The following MEF2A variants were observed in gnomAD, a reference collection of about 807,000 sequenced individuals.
The protein encoded by MEF2A is myocyte-specific enhancer factor 2A.
In MEF2A, 28 loss-of-function variants were observed where a neutral mutation model predicts 55.8. That is an observed-to-expected ratio of 0.50 (90% confidence interval 0.37 to 0.69). The LOEUF (loss-of-function observed/expected upper bound fraction) is 0.69, where lower values mean the gene tolerates loss of function less well. Ranked by LOEUF, MEF2A falls within the 30% of genes least tolerant of loss-of-function variation. The pLI is 0.00. For missense variants in MEF2A, 528 were observed against 626.2 expected (o/e 0.84, Z 1.67); for synonymous variants, 239 against 227.1 (o/e 1.05, Z -0.47).
chr15:99,700,183 T>TACACACAC lies in MEF2A; in HGVS notation c.859-3178_859-3177insCACACACA, dbSNP rs1381649060. Among the ~76,000 whole-genome samples the TACACACAC allele has an allele frequency of 5.7e-3, 265 of 46,516 alleles. 1 individual carries two copies. The Middle Eastern group carries it at 0.12, about 22-fold the overall frequency. 30.5% of individuals were successfully genotyped at this position (46,516 alleles called of 152,430 possible). ...AGACACATACGTATATATGTGTGTA[T>TACACACAC]ATATACACACACACACACACACACA... On this transcript the variant is annotated intron_variant, in intron 8 of 11. Transcript: ENST00000557942.
At chr15:99,687,000 C>A (rs1269153794) in intron 7 of MEF2A, among the ~76,000 whole-genome samples, 1 of 150,954 alleles carries the variant, frequency 6.6e-6, no homozygotes, top group Non-Finnish European at 1.5e-5. Flanking sequence ...TCTTGGCTCA[C>A]TGCAACCTCT....
chr15:99,610,532 A>T (rs1309695069), intron 2 of MEF2A, among the ~76,000 whole-genome samples: 2 of 150,014 alleles, frequency 1.3e-5, no homozygotes, highest in Non-Finnish European at 3.0e-5. Context: ...GAGGCCTCCC[A>T]CTTTTGAATT....
chr15:99,663,344 G>A (rs920049080), intron 4 of MEF2A, among the ~76,000 whole-genome samples: 1 of 151,604 alleles, frequency 6.6e-6, no homozygotes, highest in Non-Finnish European at 1.5e-5. Context: ...ATTTGTGCAC[G>A]TATATATATG....
At chr15:99,674,720 C>G in intron 6 of MEF2A, 108 bp downstream of exon 6, 1 of 920,350 alleles carries the variant, frequency 1.1e-6, no homozygotes, top group South Asian at 1.6e-5. Flanking sequence ...CTTTGATGAG[C>G]AAGAATCACT....
intron 2 of MEF2A, among the ~76,000 whole-genome samples, chr15:99,628,963 A>ATTTTTTTTTT (rs71149483): frequency 1.9e-4 from 25 of 133,762 alleles, no homozygotes; most frequent in South Asian, 4.7e-4. Flanking sequence ...TTTCAGAAGG[A>ATTTTTTTTTT]TTTTTTTTTT....
intron 1 of MEF2A, among the ~76,000 whole-genome samples, chr15:99,589,655 C>T (rs1253191026): frequency 6.6e-6 from 1 of 152,042 alleles, no homozygotes; most frequent in African/African-American, 2.4e-5. Context: ...AAGTACGTAT[C>T]TTTAGCTTTA....
intron 2 of MEF2A, among the ~76,000 whole-genome samples, chr15:99,606,684 A>G (rs1369415269): frequency 1.3e-5 from 2 of 152,246 alleles, no homozygotes; most frequent in African/African-American, 2.4e-5. Flanking sequence ...AGGCTCCACC[A>G]TATGCCCACT....
intron 2 of MEF2A, among the ~76,000 whole-genome samples, chr15:99,599,503 A>G (rs1268308684): frequency 2.0e-5 from 3 of 152,134 alleles, no homozygotes; most frequent in Non-Finnish European, 4.4e-5. Context: ...ACTTAGAAAA[A>G]TGAGTTCTTT....
At chr15:99,623,574 CT>C (rs1275719492) in intron 2 of MEF2A, among the ~76,000 whole-genome samples, 1 of 152,144 alleles carries the variant, frequency 6.6e-6, no homozygotes, top group Non-Finnish European at 1.5e-5. Flanking sequence ...TGTTCTGTTT[CT>C]TAATAGCCAT....
chr15:99,584,183 C>T (rs896999131), intron 1 of MEF2A, among the ~76,000 whole-genome samples: 1 of 152,154 alleles, frequency 6.6e-6, no homozygotes, highest in Non-Finnish European at 1.5e-5. Flanking sequence ...TGACCACCGT[C>T]ATTTATGTGG....
chr15:99,655,799 A>G (rs1157744335), intron 4 of MEF2A, among the ~76,000 whole-genome samples: 2 of 152,096 alleles, frequency 1.3e-5, no homozygotes, highest in Non-Finnish European at 2.9e-5. Flanking sequence ...ATTGTAAAAC[A>G]TATATATTAT....
At chr15:99,618,143 T>G (rs2040512064) in intron 2 of MEF2A, among the ~76,000 whole-genome samples, 2 of 152,200 alleles carry the variant, frequency 1.3e-5, no homozygotes, top group Admixed American at 1.3e-4. Flanking sequence ...AATCTTCAAT[T>G]AATATTACAT....
intron 8 of MEF2A, among the ~76,000 whole-genome samples, chr15:99,698,220 G>A (rs952224305): frequency 6.6e-6 from 1 of 152,196 alleles, no homozygotes. Context: ...GAAAGGCACT[G>A]TTCAGAGAGT....
At chr15:99,708,786 A>C (rs1452338619) in intron 10 of MEF2A, among the ~76,000 whole-genome samples, 1 of 152,164 alleles carries the variant, frequency 6.6e-6, no homozygotes, top group African/African-American at 2.4e-5. Flanking sequence ...CTCAGCTCGG[A>C]CAGGAAGGAA....
chr15:99,565,474 C>T (rs944207954), upstream of MEF2A: 1 of 149,990 alleles, frequency 6.7e-6, no homozygotes, highest in African/African-American at 2.4e-5. Context: ...GGGGGCTGGT[C>T]AGGGAGGTGG....
At chr15:99,668,734 C>T (rs1192468978) in intron 4 of MEF2A, among the ~76,000 whole-genome samples, 2 of 152,172 alleles carry the variant, frequency 1.3e-5, no homozygotes, top group African/African-American at 2.4e-5. Flanking sequence ...TGGCCAGGAT[C>T]GTATGTACCT....
intron 1 of MEF2A, among the ~76,000 whole-genome samples, chr15:99,578,592 C>G (rs548311939): frequency 6.6e-6 from 1 of 152,276 alleles, no homozygotes; most frequent in South Asian, 2.1e-4. Flanking sequence ...CCGCTCATTG[C>G]TACTGGGGAG....
At chr15:99,707,345 T>G (rs2058148799) in intron 10 of MEF2A, among the ~76,000 whole-genome samples, 1 of 152,200 alleles carries the variant, frequency 6.6e-6, no homozygotes, top group African/African-American at 2.4e-5. Flanking sequence ...TTTTCCTCCC[T>G]GTAACCACTA....
chr15:99,626,745 CT>C (rs1262029925), intron 2 of MEF2A, among the ~76,000 whole-genome samples: 1 of 152,114 alleles, frequency 6.6e-6, no homozygotes, highest in Non-Finnish European at 1.5e-5. Flanking sequence ...GAATTAACAT[CT>C]TTATAAAGTT....
Sources: allele counts gnomAD v4.1 joint callset (sites outside exome capture counted in the v4.1 genomes callset), GRCh38; gene constraint gnomAD v4.1.1; transcripts MANE v1.5; gene names NCBI Gene and HGNC (gene_info 2026-07-23, HGNC 2026-07-21).